WDR4: variants seen among roughly 807,000 people sequenced by gnomAD.
The protein encoded by WDR4 is tRNA (guanine-N(7)-)-methyltransferase non-catalytic subunit WDR4.
WDR4 carries 47 observed loss-of-function variants against 48.6 expected under a neutral mutation model. That is an observed-to-expected ratio of 0.97 (90% confidence interval 0.77 to 1.23). The LOEUF (loss-of-function observed/expected upper bound fraction) is 1.23, where lower values mean the gene tolerates loss of function less well. Among genes scored for constraint, WDR4 ranks in the 50% most tolerant of loss-of-function variants. The probability of loss-of-function intolerance (pLI) is 0.00; values close to 1 mark genes in which losing one functional copy is unlikely to be tolerated. For synonymous variants in WDR4, 268 were observed against 230.0 expected (o/e 1.17, Z -1.49); for missense variants, 606 against 551.6 (o/e 1.10, Z -0.99).
chr21:42,863,486 C>T lies in WDR4; in HGVS notation c.407G>A (p.Gly136Glu), dbSNP rs1162307778. ...VYSFSVLEPH[G>E]CGRLELGHLS... The stretch of plus-strand genomic sequence containing the variant: ...GTGCCCCAGCTCTAGACGGCCACAC[C>T]CGTGTGGCTCCAGCACCGAAAAGGA... The change falls in exon 4 of 11, where the codon GGG becomes GAG. Residue 136 changes from glycine (G) to glutamate (E), a missense_variant. Coordinates refer to ENST00000398208, the MANE Select transcript of WDR4 (RefSeq NM_018669.6). 2 of 1,614,038 alleles carry T rather than the reference C, an allele frequency of 1.2e-6. No homozygotes were observed. Among genetic ancestry groups the T allele is most frequent in the Non-Finnish European group, 1.7e-6 (2 of 1,179,980 alleles).
chr21:42,880,016 A>G (rs536991137), upstream of WDR4, among the ~76,000 whole-genome samples: 1 of 151,994 alleles, frequency 6.6e-6, no homozygotes, highest in Non-Finnish European at 1.5e-5. Flanking sequence ...TGTAGCCCCA[A>G]CTACTTGGGA....
At chr21:42,876,959 C>T (rs905263804) in intron 1 of WDR4, among the ~76,000 whole-genome samples, 192 bp from the exon 2 acceptor site, 3 of 151,878 alleles carry the variant, frequency 2.0e-5, no homozygotes, top group Non-Finnish European at 4.4e-5. Context: ...GCTGAGATTA[C>T]AGGCATGCAC....
intron 3 of WDR4, among the ~76,000 whole-genome samples, chr21:42,864,803 C>T (rs569616930): frequency 2.2e-4 from 34 of 152,298 alleles, no homozygotes; most frequent in South Asian, 6.2e-4. Flanking sequence ...ATGTCCTCTC[C>T]ACAAGGCAGG....
rs1289835415 is a variant in WDR4, at chr21:42,873,600, T to C, written c.247A>G (p.Lys83Glu). ...GSYFALTDDS[K>E]RLILFRTKPW... ...TTTGTACGGAAAAGAATCAGACGCT[T>C]ACTGTCATCGGTTAAAGCAAAATAG... Residue 83 changes from lysine (K) to glutamate (E), a missense_variant, in exon 3 of 11, where the codon AAG (lysine) becomes GAG (glutamate). Transcript: ENST00000398208. 1.2e-6 allele frequency: 2 copies of C among 1,614,194 alleles called. No homozygotes were observed. Among genetic ancestry groups the C allele is most frequent in the Non-Finnish European group, 1.7e-6 (2 of 1,180,026 alleles).
chr21:42,855,625 G>C, intron 7 of WDR4, 57 bp downstream of exon 7: 7 of 1,343,664 alleles, frequency 5.2e-6, no homozygotes, highest in Non-Finnish European at 7.0e-6. Context: ...ACTCAAGTCA[G>C]GCGACTGCCG....
chr21:42,891,478 C>T, the WDR4 span, among the ~76,000 whole-genome samples: 1 of 152,104 alleles, frequency 6.6e-6, no homozygotes, highest in Non-Finnish European at 1.5e-5. Flanking sequence ...ACATCTGCCG[C>T]ATGTGCCCGC....
intron 3 of WDR4, among the ~76,000 whole-genome samples, chr21:42,869,606 T>G (rs938309100): frequency 2.6e-5 from 4 of 151,948 alleles, no homozygotes; most frequent in Non-Finnish European, 5.9e-5. Context: ...AAAACTAAAG[T>G]GTCCAAATAT....
intron 2 of WDR4, among the ~76,000 whole-genome samples, chr21:42,874,651 G>A (rs1041573124): frequency 1.3e-5 from 2 of 151,914 alleles, no homozygotes; most frequent in South Asian, 2.1e-4. Context: ...TCTTCTGGTC[G>A]AGACTGTAGG....
At chr21:42,852,555 C>G (rs978108417) in intron 9 of WDR4, among the ~76,000 whole-genome samples, 3 of 152,188 alleles carry the variant, frequency 2.0e-5, no homozygotes, top group Admixed American at 2.0e-4. Context: ...CCAGCAGGTG[C>G]GACAGGCACC....
chr21:42,872,083 CGGG>C (rs2058380553), intron 3 of WDR4, among the ~76,000 whole-genome samples: 2 of 151,994 alleles, frequency 1.3e-5, no homozygotes, highest in Non-Finnish European at 2.9e-5. Context: ...CTCCCAGGTT[CGGG>C]AGATTCTCCT....
At position 42,851,539 on chromosome 21, in the gene WDR4, G is replaced by A. The variant is rs540852400; in HGVS notation, c.1045+716C>T. 9.2e-5 allele frequency among the ~76,000 whole-genome samples: 14 copies of A among 152,290 alleles called. No homozygotes were observed. In the South Asian group the frequency reaches 2.3e-3, roughly 25 times the overall value. ...GACTTCAGAGCAGCAACTTCTTGTC[G>A]TGAATGAGGCACCTGGATTCCATGC... On this transcript the variant is annotated intron_variant, in intron 10 of 10. Transcript: ENST00000398208.
the WDR4 span, among the ~76,000 whole-genome samples, chr21:42,890,255 G>A: frequency 6.6e-6 from 1 of 152,004 alleles, no homozygotes; most frequent in Non-Finnish European, 1.5e-5. Context: ...AAGAAGTTCG[G>A]CCAGGCACGG....
At chr21:42,883,906 C>T (rs1038471206), upstream of WDR4, 1 of 152,564 alleles carries the variant, frequency 6.6e-6, no homozygotes, top group African/African-American at 2.4e-5. Context: ...AATTTTAGAA[C>T]ATTTTCATCA....
chr21:42,868,815 T>A (rs1008404404), intron 3 of WDR4, among the ~76,000 whole-genome samples: 5 of 152,266 alleles, frequency 3.3e-5, no homozygotes, highest in African/African-American at 1.2e-4. Flanking sequence ...TCGCCGTGTC[T>A]GTTGTCACAC....
the WDR4 span, among the ~76,000 whole-genome samples, chr21:42,885,103 G>T: frequency 6.6e-6 from 1 of 151,982 alleles, no homozygotes; most frequent in Non-Finnish European, 1.5e-5. Context: ...ATAGGTGTGG[G>T]TCTCTCATTG....
intron 10 of WDR4, among the ~76,000 whole-genome samples, chr21:42,851,160 G>T (rs895232928): frequency 8.5e-5 from 13 of 152,222 alleles, no homozygotes; most frequent in Non-Finnish European, 1.3e-4. Context: ...ACACTCAACA[G>T]GTCTATGCTG....
At chr21:42,891,277 G>T in the WDR4 span, among the ~76,000 whole-genome samples, 1 of 150,432 alleles carries the variant, frequency 6.6e-6, no homozygotes, top group African/African-American at 2.4e-5. Flanking sequence ...AGCCGAGATT[G>T]CCCCTGCGCC....
chr21:42,876,229 T>TTTTTTTTTTTTTTGG (rs1555982374), intron 2 of WDR4, among the ~76,000 whole-genome samples: 1 of 148,850 alleles, frequency 6.7e-6, no homozygotes, highest in African/African-American at 2.5e-5. Context: ...TTTTTTTTTT[T>TTTTTTTTTTTTTTGG]GGGAGACAGA....
rs377304126 is a variant in WDR4 at position 42,879,398 on chromosome 21, C to T, written c.89+9G>A. The stretch of plus-strand genomic sequence containing the variant: ...TGGTCTCCCTGTTCCAAGACCAAGG[C>T]CCCCTCACCTGCTTGCTATGGAGGT... On this transcript the variant is annotated intron_variant, in intron 1 of 10. Coordinates refer to ENST00000398208, the MANE Select transcript of WDR4 (RefSeq NM_018669.6). The T allele has an allele frequency of 2.5e-5, 41 of 1,613,096 alleles. No homozygotes were observed. Among genetic ancestry groups the T allele is most frequent in the African/African-American group, 6.7e-5 (5 of 74,918 alleles).
Sources: allele counts gnomAD v4.1 joint callset (sites outside exome capture counted in the v4.1 genomes callset), GRCh38; gene constraint gnomAD v4.1.1; transcripts MANE v1.5; gene names NCBI Gene and HGNC (gene_info 2026-07-23, HGNC 2026-07-21).